GTF2F2: variants seen among roughly 807,000 people sequenced by gnomAD.
The protein encoded by GTF2F2 is general transcription factor IIF subunit 2, also known as ATP-dependent helicase GTF2F2.
GTF2F2 carries 23 observed loss-of-function variants against 42.2 expected under a neutral mutation model. That is an observed-to-expected ratio of 0.55 (90% confidence interval 0.39 to 0.77). The LOEUF (loss-of-function observed/expected upper bound fraction) is 0.77, where lower values mean the gene tolerates loss of function less well. Ranked by LOEUF, GTF2F2 falls within the 30% of genes least tolerant of loss-of-function variation. The probability of loss-of-function intolerance (pLI) is 0.00; values close to 1 mark genes in which losing one functional copy is unlikely to be tolerated. For synonymous variants in GTF2F2, 105 were observed against 100.8 expected, an observed-to-expected ratio of 1.04 and a Z score of -0.25; for missense variants, 261 against 287.2, an observed-to-expected ratio of 0.91 and a Z score of 0.66.
chr13:45,223,468 C>T (rs746325377), intron 5 of GTF2F2, among the ~76,000 whole-genome samples: 115 of 151,890 alleles, frequency 7.6e-4, no homozygotes, highest in Non-Finnish European at 1.6e-3. Context: ...TGGTGATGGC[C>T]AAATGCTATT....
chr13:45,242,848 G>A (rs1336759077), intron 5 of GTF2F2, among the ~76,000 whole-genome samples: 1 of 152,170 alleles, frequency 6.6e-6, no homozygotes, highest in African/African-American at 2.4e-5. Flanking sequence ...AGGATTTATT[G>A]ACTAAAACTT....
chr13:45,164,643 G>T (rs561507643), intron 4 of GTF2F2, among the ~76,000 whole-genome samples: 33 of 149,804 alleles, frequency 2.2e-4, no homozygotes, highest in African/African-American at 7.5e-4. Flanking sequence ...AGGATCACCT[G>T]TGCCTGGGAT....
intron 4 of GTF2F2, chr13:45,206,999 T>TACGCAAACAC (rs1873439033): frequency 2.3e-5 from 2 of 88,000 alleles, no homozygotes; most frequent in Non-Finnish European, 4.4e-5. Flanking sequence ...TTTATTCACA[T>TACGCAAACAC]ACACAAACAC....
At chr13:45,163,569 C>A (rs2147144) in intron 4 of GTF2F2, among the ~76,000 whole-genome samples, 54,409 of 151,734 alleles carry the variant, frequency 0.36, 13,514 homozygotes, top group African/African-American at 0.71. Context: ...TACTTAGTCG[C>A]GGTATTAAAA....
intron 1 of GTF2F2, among the ~76,000 whole-genome samples, chr13:45,133,385 C>T (rs909431046): frequency 1.3e-5 from 2 of 152,132 alleles, no homozygotes; most frequent in African/African-American, 2.4e-5. Context: ...ACAGGCACAG[C>T]CCAGACCCAG....
chr13:45,284,780 A>G lies in GTF2F2; in HGVS notation c.*1219A>G, dbSNP rs1408810492. On this transcript the variant is annotated 3_prime_UTR_variant, in exon 8 of 8. Transcript: ENST00000340473. ...AGATATCTATCCATTGAGAAAAACA[A>G]TTTTTATATTATTTGCTTTTAGCAG... The G allele has an allele frequency of 1.3e-5, 2 of 152,236 alleles. No individual in the cohort carries two copies. Among genetic ancestry groups the G allele is most frequent in the Non-Finnish European group, 2.9e-5 (2 of 68,052 alleles). 9.4% of individuals were successfully genotyped at this position (152,236 alleles called of 1,614,324 possible).
chr13:45,268,837 A>G (rs1258552021), intron 7 of GTF2F2, among the ~76,000 whole-genome samples: 2 of 152,154 alleles, frequency 1.3e-5, no homozygotes, highest in African/African-American at 4.8e-5. Context: ...TTGCCTTCAC[A>G]TGGGATATAA....
intron 4 of GTF2F2, among the ~76,000 whole-genome samples, chr13:45,178,269 A>G (rs1871980005): frequency 6.6e-6 from 1 of 151,710 alleles, no homozygotes. Flanking sequence ...TTTCCTATAT[A>G]CCAACTCACT....
chr13:45,212,493 T>TTCTTTCTTTCTTTCTG (rs1566137188), intron 5 of GTF2F2, among the ~76,000 whole-genome samples: 2 of 117,502 alleles, frequency 1.7e-5, no homozygotes, highest in East Asian at 4.0e-4. Flanking sequence ...CTTTCTTTCT[T>TTCTTTCTTTCTTTCTG]TCTTTCTTTC....
chr13:45,221,055 C>T (rs1363191887), intron 5 of GTF2F2: 4 of 152,082 alleles, frequency 2.6e-5, no homozygotes, highest in Non-Finnish European at 4.4e-5. Flanking sequence ...GAGCTTTACA[C>T]TCATGTACAC....
intron 6 of GTF2F2, among the ~76,000 whole-genome samples, chr13:45,264,382 A>G (rs1043465000): frequency 1.3e-5 from 2 of 151,862 alleles, no homozygotes; most frequent in African/African-American, 2.4e-5. Context: ...CCTGGCTTCA[A>G]GCGATTCTGC....
At chr13:45,160,303 T>TC (rs1870972543) in intron 4 of GTF2F2, among the ~76,000 whole-genome samples, 1 of 152,228 alleles carries the variant, frequency 6.6e-6, no homozygotes, top group Non-Finnish European at 1.5e-5. Flanking sequence ...CTACCTCTTA[T>TC]AAATACATAG....
At chr13:45,124,041 G>C (rs1164436010) in intron 1 of GTF2F2, 9 of 1,142,476 alleles carry the variant, frequency 7.9e-6, no homozygotes, top group Non-Finnish European at 1.2e-5. Flanking sequence ...TGGGCCATGA[G>C]GTCCCCCACC....
chr13:45,149,090 C>G (rs940372716), intron 2 of GTF2F2, among the ~76,000 whole-genome samples: 2 of 151,892 alleles, frequency 1.3e-5, no homozygotes, highest in Non-Finnish European at 2.9e-5. Flanking sequence ...CTGTATAGAT[C>G]TGGTATTATA....
rs1051398790 is a variant in GTF2F2, at chr13:45,283,686, G to C, written c.*125G>C. ...AAGTGACAGTACTTTGATTTCTCTC[G>C]GTAAATTTTTTAAACCTGTAATTCT... On this transcript the variant is annotated 3_prime_UTR_variant, in exon 8 of 8. Transcript: ENST00000340473. 8.4e-6 allele frequency: 6 copies of C among 711,080 alleles called. No individual in the cohort carries two copies. The highest frequency in any genetic ancestry group is 1.9e-5 in the African/African-American group (1 of 53,942). The allele number at this position is 711,080 out of a possible 1,614,324, so 44.0% of individuals were successfully genotyped here.
intron 5 of GTF2F2, among the ~76,000 whole-genome samples, chr13:45,250,605 T>C (rs1020972587): frequency 2.0e-5 from 3 of 152,124 alleles, no homozygotes; most frequent in African/African-American, 7.2e-5. Flanking sequence ...TGCTGGATAA[T>C]TGACAGCAAG....
At chr13:45,225,986 G>A (rs907285867) in intron 5 of GTF2F2, among the ~76,000 whole-genome samples, 2 of 151,684 alleles carry the variant, frequency 1.3e-5, no homozygotes, top group African/African-American at 2.4e-5. Flanking sequence ...GATTCTGTTG[G>A]AATTAGGAAA....
chr13:45,244,946 AG>A, intron 5 of GTF2F2, among the ~76,000 whole-genome samples: 1 of 152,312 alleles, frequency 6.6e-6, no homozygotes, highest in South Asian at 2.1e-4. Context: ...TACAGGCATG[AG>A]CCACCGTGCC....
chr13:45,216,192 T>A (rs911267068), intron 5 of GTF2F2, among the ~76,000 whole-genome samples: 2 of 152,032 alleles, frequency 1.3e-5, no homozygotes, highest in Non-Finnish European at 2.9e-5. Flanking sequence ...CACTCCCTCC[T>A]GGGCAACAGA....
Sources: allele counts gnomAD v4.1 joint callset (sites outside exome capture counted in the v4.1 genomes callset), GRCh38; gene constraint gnomAD v4.1.1; transcripts MANE v1.5; gene names NCBI Gene and HGNC (gene_info 2026-07-23, HGNC 2026-07-21).